Variants in DOCK1 observed in about 807,000 individuals in gnomAD.
DOCK1 encodes the protein dedicator of cytokinesis protein 1.
Under a neutral mutation model 262.7 loss-of-function variants are expected in DOCK1, and 138 were observed. The observed-to-expected ratio is 0.53, with a 90% CI of 0.46 to 0.61. The LOEUF is 0.61. Ranked by LOEUF, DOCK1 falls within the 20% of genes least tolerant of loss-of-function variation. The probability of loss-of-function intolerance (pLI) is 0.00; values close to 1 mark genes in which losing one functional copy is unlikely to be tolerated. For missense variants in DOCK1, 1,908 were observed against 2,370.7 expected (o/e 0.80, Z 4.05); for synonymous variants, 866 against 867.4 (o/e 1.00, Z 0.03).
intron 27 of DOCK1, among the ~76,000 whole-genome samples, chr10:127,151,467 G>A (rs2052477308): frequency 6.6e-6 from 1 of 152,062 alleles, no homozygotes; most frequent in African/African-American, 2.4e-5. Flanking sequence ...CCACTCCAAA[G>A]GGAGTGATTT....
chr10:127,290,220 A>G (rs938804467), intron 29 of DOCK1, among the ~76,000 whole-genome samples: 2 of 152,106 alleles, frequency 1.3e-5, no homozygotes, highest in African/African-American at 2.4e-5. Context: ...GCTGTAGATC[A>G]TATGTAAAAG....
chr10:127,066,992 G>A (rs1013841758), intron 23 of DOCK1, among the ~76,000 whole-genome samples: 1 of 152,258 alleles, frequency 6.6e-6, no homozygotes, highest in Non-Finnish European at 1.5e-5. Flanking sequence ...TGGAAACAGG[G>A]CCCATGCCTG....
At chr10:126,962,274 T>C (rs2037287808) in intron 1 of DOCK1, among the ~76,000 whole-genome samples, 1 of 152,016 alleles carries the variant, frequency 6.6e-6, no homozygotes, top group African/African-American at 2.4e-5. Context: ...ATTCTCCTGC[T>C]TCAGCCTCCC....
chr10:127,017,436 C>G (rs2042069569), intron 12 of DOCK1, among the ~76,000 whole-genome samples: 1 of 151,756 alleles, frequency 6.6e-6, no homozygotes, highest in Non-Finnish European at 1.5e-5. Context: ...GACACAGATA[C>G]AGAAACACAG....
At chr10:127,293,394 G>T (rs1166577440) in intron 29 of DOCK1, among the ~76,000 whole-genome samples, 5 of 152,202 alleles carry the variant, frequency 3.3e-5, no homozygotes, top group Admixed American at 6.5e-5. Flanking sequence ...CTTACCTGTG[G>T]CTGGTGCCAT....
At chr10:127,326,236 C>T (rs1269396776) in intron 29 of DOCK1, among the ~76,000 whole-genome samples, 1 of 152,204 alleles carries the variant, frequency 6.6e-6, no homozygotes, top group Non-Finnish European at 1.5e-5. Context: ...CTTCCTTTCA[C>T]TCAAGATTTC....
intron 27 of DOCK1, among the ~76,000 whole-genome samples, chr10:127,230,860 T>C (rs999691311): frequency 6.6e-6 from 1 of 152,160 alleles, no homozygotes; most frequent in Non-Finnish European, 1.5e-5. Context: ...TCATTGGAAT[T>C]TTGAATAGGA....
chr10:126,928,551 G>GC (rs1211041999), intron 1 of DOCK1, among the ~76,000 whole-genome samples: 3 of 151,718 alleles, frequency 2.0e-5, no homozygotes, highest in African/African-American at 7.3e-5. Context: ...CTCAGGCCCT[G>GC]CCCCCAAGGG....
Position 127,176,117 on chromosome 10 carries a change from G to C in DOCK1, c.2847+48353G>C, listed in dbSNP as rs754130370. 3.1e-6 allele frequency: 5 copies of C among 1,614,058 alleles called. No individual in the cohort carries two copies. In the South Asian group the frequency reaches 5.5e-5, roughly 18 times the overall value. ...TCTTGGTGACGTTGGGGATGGACCTGCGTGCGGGCACTGTCATGTATTTGC... is the reference window on the plus strand; with the variant it reads ...TCTTGGTGACGTTGGGGATGGACCTCCGTGCGGGCACTGTCATGTATTTGC... On this transcript the variant is annotated intron_variant, in intron 27 of 51. Transcript: ENST00000623213. The surrounding 1 kb of genome is among the most constrained non-coding windows in gnomAD (Gnocchi z 4.4).
chr10:127,012,291 C>T lies in DOCK1; in HGVS notation c.1118C>T (p.Pro373Leu). Residue 373 changes from proline (P) to leucine (L), a missense_variant, in exon 12 of 52, where the codon CCC (proline) becomes CTC (leucine). Transcript: ENST00000623213. The surrounding 1 kb of genome is among the most constrained non-coding windows in gnomAD (Gnocchi z 4.0). ...CTGAACATGTCATCCCGTTTTTCAC[C>T]CAGGGTGGCAGGGGAGAATGACTTC... ...KPLNMSSRFS[P>L]RVAGENDFLQ... is the part of the protein sequence containing the mutation. The T allele has an allele frequency of 6.2e-7, 1 of 1,613,978 alleles. No homozygotes were observed. The highest frequency in any genetic ancestry group is 8.5e-7 in the Non-Finnish European group (1 of 1,179,878).
chr10:127,309,198 C>CT (rs142689552), intron 29 of DOCK1, among the ~76,000 whole-genome samples: 23 of 149,908 alleles, frequency 1.5e-4, no homozygotes, highest in Non-Finnish European at 1.5e-4. Context: ...TGATGTTGAG[C>CT]TTTTTTTTTT....
In DOCK1 at chr10:127,018,902, G is replaced by A. The variant is rs2042204279; in HGVS notation, c.1327+67G>A. On this transcript the variant is annotated intron_variant, in intron 13 of 51. Coordinates refer to ENST00000623213, the MANE Select transcript of DOCK1 (RefSeq NM_001290223.2). ...GGTAGCCGGCCACGGAGGATGACGT[G>A]TGGGCAGCATCATGTATGAGCTCTG... The A allele has an allele frequency of 1.9e-6, 3 of 1,595,338 alleles. 1 individual carries two copies. Among genetic ancestry groups the A allele is most frequent in the Middle Eastern group, 3.3e-4 (2 of 5,976 alleles).
intron 28 of DOCK1, among the ~76,000 whole-genome samples, chr10:127,253,391 T>A (rs35513846): frequency 0.33 from 50,738 of 151,974 alleles, 9,761 homozygotes; most frequent in South Asian, 0.57. Context: ...TCCCACCGCA[T>A]CCCATTCCCT....
intron 31 of DOCK1, among the ~76,000 whole-genome samples, chr10:127,350,079 C>CT (rs2063812691): frequency 1.3e-5 from 2 of 152,136 alleles, no homozygotes; most frequent in African/African-American, 4.8e-5. Context: ...CTTTTCTTTT[C>CT]TTTTTTCAGT....
At position 127,388,353 on chromosome 10, in the gene DOCK1, T is replaced by C. The variant is rs2066258209; in HGVS notation, c.3927+3444T>C. Among the ~76,000 whole-genome samples the C allele has an allele frequency of 2.0e-5, 3 of 152,158 alleles. No homozygotes were observed. The East Asian group carries it at 5.8e-4, about 29-fold the overall frequency. On this transcript the variant is annotated intron_variant, in intron 38 of 51. Transcript: ENST00000623213. ...AATATCCATAATATTTCCACGAGAATGTTAAAAAGGAACAAAGCCTCCTTA... is the reference window on the plus strand; with the variant it reads ...AATATCCATAATATTTCCACGAGAACGTTAAAAAGGAACAAAGCCTCCTTA...
intron 29 of DOCK1, among the ~76,000 whole-genome samples, chr10:127,316,011 T>G (rs2062261564): frequency 6.6e-6 from 1 of 152,164 alleles, no homozygotes; most frequent in Non-Finnish European, 1.5e-5. Flanking sequence ...GGACAGGCTT[T>G]TGAATCCTTA....
intron 27 of DOCK1, among the ~76,000 whole-genome samples, chr10:127,218,041 A>G (rs748296607): frequency 2.0e-5 from 3 of 151,818 alleles, no homozygotes; most frequent in Admixed American, 6.6e-5. Context: ...TTTCCATTCT[A>G]TTCTGCTGTT....
Position 127,334,303 on chromosome 10 carries a change from G to A in DOCK1, c.3045-4703G>A, listed in dbSNP as rs117001789. On this transcript the variant is annotated intron_variant, in intron 29 of 51. Transcript: ENST00000623213. ...ATTGTACAAATGTGTGTATGTGTAG[G>A]CTACAATTAAACTCATATTTGACAC... Among the ~76,000 whole-genome samples the A allele has an allele frequency of 1.4e-4, 21 of 152,172 alleles. No homozygotes were observed. The East Asian group carries it at 4.1e-3, about 29-fold the overall frequency.
intron 1 of DOCK1, among the ~76,000 whole-genome samples, chr10:126,912,501 G>C (rs2031930059): frequency 6.6e-6 from 1 of 151,426 alleles, no homozygotes; most frequent in South Asian, 2.1e-4. Context: ...CCAAGGCGGG[G>C]AGATCACGAG....
Sources: gnomAD v4.1 joint callset for allele counts (sites outside exome capture counted in the v4.1 genomes callset) on GRCh38, gnomAD v4.1.1 for gene constraint, Gnocchi (gnomAD v3.1) non-coding constraint, MANE v1.5 for transcripts, NCBI Gene and HGNC (gene_info 2026-07-23, HGNC 2026-07-21) for gene names.